Variants in MCTP2 observed in about 807,000 individuals in gnomAD.
The protein encoded by MCTP2 is multiple C2 and transmembrane domain-containing protein 2.
A neutral mutation model predicts 111.6 loss-of-function variants in MCTP2; 132 were observed. The observed-to-expected ratio is 1.18, with a 90% confidence interval of 1.03 to 1.37. MCTP2 has a LOEUF of 1.37. Among genes scored for constraint, MCTP2 ranks in the 40% most tolerant of loss-of-function variants. MCTP2 has a pLI of 0.00. For synonymous variants in MCTP2, 395 were observed against 387.7 expected (o/e 1.02, Z -0.22); for missense variants, 1,183 against 1,067.9 (o/e 1.11, Z -1.50).
At chr15:94,327,552 G>A (rs140628115) in intron 4 of MCTP2, among the ~76,000 whole-genome samples, 201 of 152,288 alleles carry the variant, frequency 1.3e-3, no homozygotes, top group Non-Finnish European at 2.6e-3. Flanking sequence ...ACACCAGATG[G>A]CATGAGATCA....
intron 1 of MCTP2, among the ~76,000 whole-genome samples, chr15:94,268,350 T>C: frequency 4.8e-4 from 1 of 2,062 alleles, no homozygotes; most frequent in East Asian, 6.8e-3. Context: ...CTGGCTAATT[T>C]TTTTTTTTTT....
intron 1 of MCTP2, among the ~76,000 whole-genome samples, chr15:94,282,845 A>G (rs2074557840): frequency 1.3e-5 from 2 of 152,132 alleles, no homozygotes; most frequent in African/African-American, 2.4e-5. Flanking sequence ...GCATGCCCTT[A>G]TCATTGGGGG....
chr15:94,465,888 TAATGTCTTCCC>T (rs1372654756), intron 20 of MCTP2, among the ~76,000 whole-genome samples: 2 of 152,146 alleles, frequency 1.3e-5, no homozygotes, highest in East Asian at 3.9e-4. Context: ...TTGTCACTTT[TAATGTCTTCCC>T]AGTCAGTGCA....
intron 12 of MCTP2, among the ~76,000 whole-genome samples, chr15:94,377,336 T>C (rs1354720207): frequency 6.6e-6 from 1 of 152,214 alleles, no homozygotes; most frequent in Non-Finnish European, 1.5e-5. Context: ...GAGATCTTCA[T>C]GGATAGCTAA....
chr15:94,408,318 A>G (rs2081998792), intron 17 of MCTP2, among the ~76,000 whole-genome samples: 1 of 152,236 alleles, frequency 6.6e-6, no homozygotes, highest in East Asian at 1.9e-4. Flanking sequence ...GGGGTTTTAG[A>G]CATCTTAAAA....
At chr15:94,298,851 C>T (rs1396890090) in intron 2 of MCTP2, 121 bp downstream of exon 2, 3 of 426,010 alleles carry the variant, frequency 7.0e-6, no homozygotes, top group Admixed American at 5.5e-5. Context: ...TCTCTTCCCC[C>T]CTCCCCCTCC....
chr15:94,420,760 T>A (rs1205034835), intron 17 of MCTP2, among the ~76,000 whole-genome samples: 1 of 152,204 alleles, frequency 6.6e-6, no homozygotes, highest in Non-Finnish European at 1.5e-5. Context: ...CTGGTGAAGA[T>A]GCTATGAACA....
Position 94,470,392 on chromosome 15 carries a change from C to A in MCTP2, c.2420C>A (p.Ala807Asp), listed in dbSNP as rs781464859. ...SSLACLILAA[A>D]TIILYFIPLR... ...CTGGCCTGTTTGATTCTGGCAGCAG[C>A]CACCATCATTTTGTATTTCATTCCA... The change falls in exon 21 of 23, where the codon GCC becomes GAC. Residue 807 changes from alanine to aspartate, a missense_variant. Ala to Asp is a moderately radical substitution (Grantham distance 126). Coordinates refer to ENST00000357742, the MANE Select transcript of MCTP2 (RefSeq NM_001385001.1). 4.3e-6 allele frequency: 7 copies of A among 1,613,936 alleles called. No homozygotes were observed. The highest frequency in any genetic ancestry group is 5.9e-6 in the Non-Finnish European group (7 of 1,179,846).
intron 7 of MCTP2, chr15:94,343,870 G>A (rs1203654800): frequency 6.6e-6 from 1 of 152,190 alleles, no homozygotes; most frequent in Non-Finnish European, 1.5e-5. Context: ...GTAGTTGGTA[G>A]CATTGTAGGA....
intron 2 of MCTP2, among the ~76,000 whole-genome samples, chr15:94,300,433 G>A (rs949481345): frequency 2.0e-5 from 3 of 151,174 alleles, no homozygotes; most frequent in Middle Eastern, 3.4e-3. Flanking sequence ...TGGCATGAAC[G>A]CGGGAGGTAG....
intron 4 of MCTP2, among the ~76,000 whole-genome samples, chr15:94,321,593 A>C (rs1031826252): frequency 6.6e-6 from 1 of 152,212 alleles, no homozygotes; most frequent in African/African-American, 2.4e-5. Flanking sequence ...CCGTCATTGA[A>C]TTAGATGCTT....
intron 1 of MCTP2, among the ~76,000 whole-genome samples, chr15:94,245,383 T>C (rs1010096588): frequency 5.1e-5 from 7 of 136,554 alleles, no homozygotes; most frequent in African/African-American, 1.7e-4. Flanking sequence ...CATATGTATA[T>C]GTATTTATAT....
At chr15:94,397,218 G>C (rs1425030359) in intron 14 of MCTP2, among the ~76,000 whole-genome samples, 1 of 152,156 alleles carries the variant, frequency 6.6e-6, no homozygotes, top group African/African-American at 2.4e-5. Flanking sequence ...CCTTAGGTGG[G>C]TTCTGATTTT....
intron 13 of MCTP2, 59 bp from the exon 14 acceptor site, chr15:94,385,364 T>C: frequency 3.5e-6 from 4 of 1,149,444 alleles, no homozygotes; most frequent in Non-Finnish European, 5.3e-6. Context: ...TTCCAGATCT[T>C]CATGGAACAG....
At chr15:94,296,712 G>A (rs1003291829) in intron 1 of MCTP2, among the ~76,000 whole-genome samples, 1 of 152,202 alleles carries the variant, frequency 6.6e-6, no homozygotes, top group Non-Finnish European at 1.5e-5. Flanking sequence ...CCCACTGGGT[G>A]GGTGAGGCAA....
In MCTP2 at chr15:94,281,097, T is replaced by A. The variant is rs185626805; in HGVS notation, c.-65-17104T>A. The stretch of plus-strand genomic sequence containing the variant: ...TCTGTTAGGTCCATTTGGTCAAGTG[T>A]TGAGTTTAGGTCTCAAATATCTTTC... On this transcript the variant is annotated intron_variant, in intron 1 of 22. Transcript: ENST00000357742. Among the ~76,000 whole-genome samples the A allele has an allele frequency of 2.0e-5, 3 of 152,262 alleles. No individual in the cohort carries two copies. The East Asian group carries it at 5.8e-4, about 29-fold the overall frequency.
intron 18 of MCTP2, 95 bp downstream of exon 18, chr15:94,440,393 G>T (rs1338572527): frequency 3.3e-6 from 5 of 1,526,428 alleles, no homozygotes; most frequent in Non-Finnish European, 3.6e-6. Context: ...AGTCCATTTC[G>T]TTTGAGGTGT....
At position 94,454,753 on chromosome 15, in the gene MCTP2, C is replaced by T. The variant is rs146473763; in HGVS notation, c.2251-3384C>T. On this transcript the variant is annotated intron_variant, in intron 19 of 22. Transcript: ENST00000357742. Reference sequence around the variant, plus strand: ...GGCCAAAAAACACTTTATTTTTCTACGAAAGCAACATATAAAAGGTCAAAT... The same window carrying T: ...GGCCAAAAAACACTTTATTTTTCTATGAAAGCAACATATAAAAGGTCAAAT... Among the ~76,000 whole-genome samples the T allele has an allele frequency of 3.4e-3, 524 of 151,944 alleles. 12 individuals are homozygous for T. The highest frequency in any genetic ancestry group is 0.03 in the Admixed American group (463 of 15,250).
chr15:94,234,039 T>TC (rs2070373570), intron 1 of MCTP2, among the ~76,000 whole-genome samples: 1 of 152,258 alleles, frequency 6.6e-6, no homozygotes, highest in African/African-American at 2.4e-5. Flanking sequence ...ATTTTTTTTT[T>TC]CCCTCTATCT....
Sources: allele counts gnomAD v4.1 joint callset (sites outside exome capture counted in the v4.1 genomes callset), GRCh38; gene constraint gnomAD v4.1.1; transcripts MANE v1.5; gene names NCBI Gene and HGNC (gene_info 2026-07-23, HGNC 2026-07-21).